Variants in RNF157 observed in about 807,000 individuals in gnomAD.
RNF157 encodes E3 ubiquitin ligase RNF157.
In RNF157, 55 loss-of-function variants were observed where a neutral mutation model predicts 88.3. The ratio of observed to expected loss-of-function variants is 0.62; its 90% CI spans 0.50 to 0.78. The LOEUF (loss-of-function observed/expected upper bound fraction) is 0.78, where lower values mean the gene tolerates loss of function less well. RNF157 is among the 30% of genes least tolerant of loss of function. The pLI, the probability that RNF157 is intolerant of heterozygous loss-of-function variation, is 0.00. For synonymous variants in RNF157, 334 were observed against 341.2 expected (o/e 0.98, Z 0.23); for missense variants, 788 against 860.8 (o/e 0.92, Z 1.06).
intron 2 of RNF157, among the ~76,000 whole-genome samples, chr17:76,183,299 GCT>G (rs1233882089): frequency 6.6e-6 from 1 of 152,102 alleles, no homozygotes; most frequent in Admixed American, 6.6e-5. Context: ...TTCTGATTCA[GCT>G]AGTTTGGGGT....
chr17:76,236,732 C>G (rs1031370770), intron 1 of RNF157, among the ~76,000 whole-genome samples: 1 of 152,006 alleles, frequency 6.6e-6, no homozygotes, highest in Non-Finnish European at 1.5e-5. Flanking sequence ...TGTTTATCAA[C>G]AGGAGACTAT....
intron 2 of RNF157, among the ~76,000 whole-genome samples, chr17:76,186,663 G>A (rs1175229762): frequency 1.3e-5 from 2 of 152,072 alleles, no homozygotes; most frequent in African/African-American, 2.4e-5. Flanking sequence ...CTGGGCCGGG[G>A]GGGCAGTGGC....
At chr17:76,231,935 C>T (rs535537080) in intron 1 of RNF157, among the ~76,000 whole-genome samples, 3 of 152,368 alleles carry the variant, frequency 2.0e-5, no homozygotes, top group South Asian at 4.1e-4. Flanking sequence ...AAACACTATT[C>T]TGCTTTCTAT....
chr17:76,180,298 A>C (rs1442321297), intron 2 of RNF157, among the ~76,000 whole-genome samples: 1 of 152,204 alleles, frequency 6.6e-6, no homozygotes, highest in East Asian at 1.9e-4. Flanking sequence ...CAAAGAATGA[A>C]ATTTGGTCTG....
In RNF157 at chr17:76,158,671, C is replaced by T. The variant is rs1438299162; in HGVS notation, c.1305-170G>A. The T allele has an allele frequency of 5.0e-6, 3 of 598,304 alleles. No homozygotes were observed. In the East Asian group the frequency reaches 8.6e-5, roughly 17 times the overall value. 37.1% of individuals were successfully genotyped at this position (598,304 alleles called of 1,614,324 possible). A position where few individuals can be genotyped will look rare whatever the true frequency, so the allele number is the denominator to read the frequency against. On this transcript the variant is annotated intron_variant, in intron 12 of 18. Transcript: ENST00000269391. ...GCTGGGACTCCTGGGCTTCAGCGAT[C>T]CTCTTGTTGACGCTTTAACAGAGGA...
chr17:76,152,729 GGACACA>G (rs1167660401), intron 17 of RNF157: 10 of 432,874 alleles, frequency 2.3e-5, no homozygotes, highest in African/African-American at 2.0e-4. Flanking sequence ...GAGGGCTGTG[GGACACA>G]GGCTCAACAG....
chr17:76,214,417 T>C (rs1039450479), intron 1 of RNF157, among the ~76,000 whole-genome samples: 1 of 152,158 alleles, frequency 6.6e-6, no homozygotes, highest in African/African-American at 2.4e-5. Flanking sequence ...AGCCAGCTTA[T>C]ACCTACACAC....
At chr17:76,152,291 G>T (rs910236477) in intron 18 of RNF157, 64 bp downstream of exon 18, 11 of 1,058,326 alleles carry the variant, frequency 1.0e-5, no homozygotes, top group Non-Finnish European at 1.5e-5. Flanking sequence ...ACCAGGGTGA[G>T]AGCAGGGGTA....
intron 2 of RNF157, among the ~76,000 whole-genome samples, chr17:76,202,106 T>C (rs2069589573): frequency 7.1e-6 from 1 of 141,452 alleles, no homozygotes; most frequent in African/African-American, 3.0e-5. Context: ...TAACCCAATC[T>C]CAGTTTCTCT....
intron 2 of RNF157, among the ~76,000 whole-genome samples, chr17:76,188,219 A>C (rs927911541): frequency 6.6e-6 from 1 of 152,132 alleles, no homozygotes; most frequent in African/African-American, 2.4e-5. Context: ...TCCAACTCCA[A>C]GGTGACTTAC....
intron 1 of RNF157, among the ~76,000 whole-genome samples, chr17:76,229,984 G>A (rs1166795147): frequency 2.0e-5 from 3 of 152,164 alleles, no homozygotes; most frequent in Non-Finnish European, 4.4e-5. Flanking sequence ...GGAGTTGTGT[G>A]CATTTCTATA....
intron 9 of RNF157, chr17:76,162,282 G>A (rs1055028036): frequency 8.6e-6 from 5 of 580,314 alleles, no homozygotes; most frequent in Non-Finnish European, 1.2e-5. Context: ...GGACTTAGGG[G>A]ATCACACAGA....
intron 18 of RNF157, chr17:76,147,333 G>T: frequency 1.0e-6 from 1 of 986,376 alleles, no homozygotes; most frequent in Non-Finnish European, 1.2e-6. Context: ...AAGACCAAAA[G>T]CAAATGGTAA....
intron 17 of RNF157, 197 bp from the exon 18 acceptor site, chr17:76,152,662 T>G (rs922866828): frequency 1.9e-6 from 1 of 528,568 alleles, no homozygotes; most frequent in African/African-American, 1.9e-5. Flanking sequence ...CGCGCTTTCC[T>G]GCTGTTTCCC....
chr17:76,198,533 C>T (rs2069516273), intron 2 of RNF157, among the ~76,000 whole-genome samples: 1 of 152,166 alleles, frequency 6.6e-6, no homozygotes, highest in African/African-American at 2.4e-5. Context: ...ACTCTAATTA[C>T]CACACCCTAG....
chr17:76,156,224 A>T lies in RNF157; in HGVS notation c.1511T>A (p.Ile504Asn). The T allele has an allele frequency of 6.2e-7, 1 of 1,613,744 alleles. No individual in the cohort carries two copies. The highest frequency in any genetic ancestry group is 8.5e-7 in the Non-Finnish European group (1 of 1,179,684). Reference protein sequence around the residue: ...SCTGTPLSSTISSPEGPASSS... With the variant: ...SCTGTPLSSTNSSPEGPASSS... ...TCCTTATGTACCTTCTGGGGAGGAA[A>T]TAGTGGATGACAGAGGCGTCCCTGT... The change falls in exon 14 of 19, where the codon ATT becomes AAT. Residue 504 changes from isoleucine to asparagine, a missense_variant. Physicochemically the swap from Ile to Asn is moderately radical, Grantham distance 149 (BLOSUM62 -3). Coordinates refer to ENST00000269391, the MANE Select transcript of RNF157 (RefSeq NM_052916.3).
chr17:76,230,992 G>A (rs926782232), intron 1 of RNF157, among the ~76,000 whole-genome samples: 22 of 149,668 alleles, frequency 1.5e-4, no homozygotes, highest in African/African-American at 5.4e-4. Flanking sequence ...AGGCTAGAGT[G>A]CAGTGACCAG....
chr17:76,166,133 C>A (rs1353018355), intron 6 of RNF157, among the ~76,000 whole-genome samples: 3 of 152,192 alleles, frequency 2.0e-5, no homozygotes, highest in Non-Finnish European at 2.9e-5. Context: ...CACTGCCATA[C>A]CCAGCTGATT....
At chr17:76,162,152 G>A (rs1425197527) in intron 9 of RNF157, 150 bp from the exon 10 acceptor site, 15 of 748,302 alleles carry the variant, frequency 2.0e-5, no homozygotes, top group African/African-American at 5.3e-5. Context: ...TTCCCAGTGC[G>A]TCCACACACT....
Sources: gnomAD v4.1 joint callset for allele counts (sites outside exome capture counted in the v4.1 genomes callset) on GRCh38, gnomAD v4.1.1 for gene constraint, MANE v1.5 for transcripts, NCBI Gene and HGNC (gene_info 2026-07-23, HGNC 2026-07-21) for gene names.